Variants in AKR1B1 observed in about 807,000 individuals in gnomAD.
AKR1B1 encodes aldo-keto reductase family 1 member B1.
Under a neutral mutation model 40.4 loss-of-function variants are expected in AKR1B1, and 22 were observed. That is an observed-to-expected ratio of 0.54 (90% CI 0.39 to 0.78). The LOEUF is 0.78. AKR1B1 is among the 30% of genes least tolerant of loss of function. The probability of loss-of-function intolerance (pLI) is 0.00; values close to 1 mark genes in which losing one functional copy is unlikely to be tolerated. For synonymous variants in AKR1B1, 157 were observed against 149.9 expected, an observed-to-expected ratio of 1.05 and a Z score of -0.35; for missense variants, 357 against 396.7, an observed-to-expected ratio of 0.90 and a Z score of 0.85.
intron 1 of AKR1B1, among the ~76,000 whole-genome samples, chr7:134,457,046 G>A (rs1426593403): frequency 1.3e-5 from 2 of 151,966 alleles, no homozygotes; most frequent in Non-Finnish European, 2.9e-5. Context: ...GCTGAGGTAT[G>A]AGGACCACTT....
At chr7:134,448,265 A>G in intron 6 of AKR1B1, 122 bp downstream of exon 6, 1 of 987,940 alleles carries the variant, frequency 1.0e-6, no homozygotes, top group Non-Finnish European at 1.6e-6. Context: ...AACCAGCAAG[A>G]GGCTCAGGGG....
upstream of AKR1B1, chr7:134,459,218 G>T (rs1562913125): frequency 3.3e-6 from 3 of 896,402 alleles, no homozygotes; most frequent in Admixed American, 2.3e-5. Context: ...GGGTGCCGCG[G>T]CGGCCTTCCC....
chr7:134,449,335 C>T (rs185016714), intron 4 of AKR1B1: 26 of 635,628 alleles, frequency 4.1e-5, no homozygotes, highest in African/African-American at 3.6e-4. Flanking sequence ...GCCTGTAATC[C>T]CAGCACTTTG....
intron 9 of AKR1B1, among the ~76,000 whole-genome samples, chr7:134,442,997 C>T (rs1805985042): frequency 6.6e-6 from 1 of 152,170 alleles, no homozygotes; most frequent in Non-Finnish European, 1.5e-5. Context: ...TGAGGGACAC[C>T]ACCCTCCCCA....
At chr7:134,444,804 C>G (rs1806047681) in intron 9 of AKR1B1, 1 of 260,836 alleles carries the variant, frequency 3.8e-6, no homozygotes, top group South Asian at 5.1e-5. Flanking sequence ...TGTGGCTTAC[C>G]AGGTCAGAGC....
At chr7:134,448,524 G>A (rs553807913) in intron 5 of AKR1B1, 31 bp from the exon 6 acceptor site, 4 of 1,539,826 alleles carry the variant, frequency 2.6e-6, no homozygotes, top group Middle Eastern at 1.7e-4. Context: ...GCTGATGGGA[G>A]CACTGTGGCT....
At chr7:134,453,019 G>A (rs993967030) in intron 1 of AKR1B1, among the ~76,000 whole-genome samples, 2 of 152,190 alleles carry the variant, frequency 1.3e-5, no homozygotes, top group African/African-American at 4.8e-5. Flanking sequence ...CACTCTGCAC[G>A]GTTGAAGGAA....
At chr7:134,448,165 A>T (rs1428640472) in intron 6 of AKR1B1, 104 bp from the exon 7 acceptor site, 1 of 1,028,184 alleles carries the variant, frequency 9.7e-7, no homozygotes, top group East Asian at 2.5e-5. Flanking sequence ...GGCAGCCACC[A>T]GTCTCCTCCT....
intron 3 of AKR1B1, among the ~76,000 whole-genome samples, chr7:134,450,565 G>A (rs900537442): frequency 5.3e-5 from 8 of 152,210 alleles, no homozygotes; most frequent in Admixed American, 3.3e-4. Flanking sequence ...AGAAGTGTGC[G>A]TATGAGTCAC....
At chr7:134,449,508 A>G (rs147610076) in intron 4 of AKR1B1, 3 of 598,966 alleles carry the variant, frequency 5.0e-6, no homozygotes, top group Middle Eastern at 4.4e-4. Flanking sequence ...AATGGCGTGA[A>G]CCCAGGAGGT....
intron 4 of AKR1B1, 193 bp from the exon 5 acceptor site, chr7:134,449,312 C>A: frequency 7.9e-6 from 6 of 763,556 alleles, no homozygotes; most frequent in Non-Finnish European, 1.1e-5. Context: ...ACAGGCCGGG[C>A]GCGGTGGCTC....
intron 1 of AKR1B1, among the ~76,000 whole-genome samples, chr7:134,456,603 A>G (rs1463307538): frequency 6.6e-6 from 1 of 151,580 alleles, no homozygotes; most frequent in Non-Finnish European, 1.5e-5. Flanking sequence ...CCACCGTACA[A>G]TTCTACACCA....
At chr7:134,443,913 G>A (rs1191449402) in intron 9 of AKR1B1, among the ~76,000 whole-genome samples, 1 of 151,998 alleles carries the variant, frequency 6.6e-6, no homozygotes, top group African/African-American at 2.4e-5. Context: ...AGCATGTCAG[G>A]GCTAGCCTCT....
At chr7:134,442,900 G>T in intron 9 of AKR1B1, 130 bp from the exon 10 acceptor site, 1 of 872,440 alleles carries the variant, frequency 1.1e-6, no homozygotes, top group Non-Finnish European at 1.9e-6. Context: ...AGCTAGTTCT[G>T]AGTGTGCAGA....
intron 2 of AKR1B1, 33 bp from the exon 3 acceptor site, chr7:134,450,935 C>G (rs2117457160): frequency 6.3e-7 from 1 of 1,575,872 alleles, no homozygotes; most frequent in Middle Eastern, 1.7e-4. Flanking sequence ...GTCATCATTG[C>G]CAGCCACAAG....
rs13306160 is a variant in AKR1B1 at position 134,442,648 on chromosome 7, C to G, written c.*80G>C. The stretch of plus-strand genomic sequence containing the variant: ...CTGTCCCACTGCTGAGTGACACAGG[C>G]CATACTACATTTGCAAGGAAAAAAA... On this transcript the variant is annotated 3_prime_UTR_variant, in exon 10 of 10. Transcript: ENST00000285930. 2 of 1,437,694 alleles carry G rather than the reference C, an allele frequency of 1.4e-6. No individual in the cohort carries two copies. Among genetic ancestry groups the G allele is most frequent in the East Asian group, 4.6e-5 (2 of 43,628 alleles). The allele number at this position is 1,437,694 out of a possible 1,614,324, so 89.1% of individuals were successfully genotyped here.
chr7:134,451,550 C>T (rs777251366), intron 2 of AKR1B1, 36 bp downstream of exon 2: 4 of 1,612,196 alleles, frequency 2.5e-6, no homozygotes, highest in Non-Finnish European at 3.4e-6. Context: ...GATGATGGGA[C>T]CGAGAGCCCC....
chr7:134,446,193 C>T (rs1024524154), intron 8 of AKR1B1, among the ~76,000 whole-genome samples: 7 of 152,232 alleles, frequency 4.6e-5, no homozygotes, highest in African/African-American at 1.7e-4. Context: ...ACAAACGATG[C>T]ATCTCTGGTG....
chr7:134,459,029 T>C lies in AKR1B1; in HGVS notation c.34A>G (p.Lys12Glu), dbSNP rs751652725. ...ASRLLLNNGAKMPILGLGTWK... is the reference protein window; with the variant it reads ...ASRLLLNNGAEMPILGLGTWK... Reference sequence around the variant, plus strand: ...GTACCCAACCCCAGGATGGGCATCTTGGCGCCGTTGTTGAGCAGGAGACGG... The same window carrying C: ...GTACCCAACCCCAGGATGGGCATCTCGGCGCCGTTGTTGAGCAGGAGACGG... Residue 12 changes from lysine (K) to glutamate (E), a missense_variant, in exon 1 of 10, where the codon AAG becomes GAG. Coordinates refer to ENST00000285930, the MANE Select transcript of AKR1B1 (RefSeq NM_001628.4). The C allele has an allele frequency of 2.5e-6, 4 of 1,608,500 alleles. No homozygotes were observed. The highest frequency in any genetic ancestry group is 2.2e-5 in the East Asian group (1 of 44,574).
Sources: allele counts gnomAD v4.1 joint callset (sites outside exome capture counted in the v4.1 genomes callset), GRCh38; gene constraint gnomAD v4.1.1; transcripts MANE v1.5; gene names NCBI Gene and HGNC (gene_info 2026-07-23, HGNC 2026-07-21).